Variants in SCFD1 observed in about 807,000 individuals in gnomAD.
SCFD1 encodes the protein sec1 family domain containing 1, also known as sec1 family domain-containing protein 1.
In SCFD1, 37 loss-of-function variants were observed where a neutral mutation model predicts 103.2. The ratio of observed to expected loss-of-function variants is 0.36; its 90% CI spans 0.28 to 0.47. SCFD1 has a LOEUF of 0.47. Among genes scored for constraint, SCFD1 ranks in the 20% least tolerant of loss-of-function variants. SCFD1 has a pLI of 1.00. For missense variants in SCFD1, 639 were observed against 761.2 expected, an observed-to-expected ratio of 0.84 and a Z score of 1.89; for synonymous variants, 264 against 245.0, an observed-to-expected ratio of 1.08 and a Z score of -0.73.
At chr14:30,696,382 T>G (rs994347327) in intron 15 of SCFD1, among the ~76,000 whole-genome samples, 11 of 152,236 alleles carry the variant, frequency 7.2e-5, no homozygotes, top group Admixed American at 5.9e-4. Context: ...ACAGTAACTT[T>G]CGAGTAAAGT....
At chr14:30,645,800 A>G (rs1885762060) in intron 7 of SCFD1, among the ~76,000 whole-genome samples, 1 of 152,102 alleles carries the variant, frequency 6.6e-6, no homozygotes, top group South Asian at 2.1e-4. Context: ...CTCTCTTCCT[A>G]TTAGGATGCC....
intron 14 of SCFD1, among the ~76,000 whole-genome samples, chr14:30,693,251 A>AAT (rs1377791005): frequency 1.3e-5 from 2 of 152,208 alleles, no homozygotes; most frequent in African/African-American, 4.8e-5. Context: ...GGCGGATATT[A>AAT]GAATACAGAC....
intron 23 of SCFD1, among the ~76,000 whole-genome samples, chr14:30,732,132 T>C (rs905621409): frequency 1.1e-4 from 16 of 152,234 alleles, no homozygotes; most frequent in South Asian, 2.1e-4. Context: ...TCATTCCAAG[T>C]GCATAAAAAT....
At position 30,632,049 on chromosome 14, in the gene SCFD1, A is replaced by G. The variant is rs1318184955; in HGVS notation, c.221+1484A>G. Among the ~76,000 whole-genome samples, 13 of 45,570 alleles carry G rather than the reference A, an allele frequency of 2.9e-4. No homozygotes were observed. In the African/African-American group the frequency reaches 4.2e-3, roughly 15 times the overall value. The allele number at this position is 45,570 out of a possible 152,430, so 29.9% of individuals were successfully genotyped here. A position where few individuals can be genotyped will look rare whatever the true frequency, so the allele number is the denominator to read the frequency against. Reference sequence around the variant, plus strand: ...GGCAGCAGAGCAAGATTCTGTTGAAAAAAAAAAAAAAAAAAAAAAAAAGAA... The same window carrying G: ...GGCAGCAGAGCAAGATTCTGTTGAAGAAAAAAAAAAAAAAAAAAAAAAGAA... On this transcript the variant is annotated intron_variant, in intron 3 of 24. Coordinates refer to ENST00000458591, the MANE Select transcript of SCFD1 (RefSeq NM_016106.4).
intron 21 of SCFD1, 142 bp from the exon 22 acceptor site, chr14:30,721,742 A>G: frequency 1.5e-6 from 1 of 673,658 alleles, no homozygotes; most frequent in Non-Finnish European, 2.6e-6. Flanking sequence ...GCAAAATTAA[A>G]GGACCCACCC....
In SCFD1 at chr14:30,678,155, G is replaced by A. The variant is rs1889194857; in HGVS notation, c.1242+3090G>A. ...GCCTGGCCGTAAATATTTTTTACTA[G>A]CTAGAAGATTGTGTCATGTAGAGGT... On this transcript the variant is annotated intron_variant, in intron 14 of 24. Transcript: ENST00000458591. Among the ~76,000 whole-genome samples the A allele has an allele frequency of 3.9e-5, 6 of 152,000 alleles. No homozygotes were observed. In the South Asian group the frequency reaches 1.2e-3, roughly 32 times the overall value.
At chr14:30,683,353 G>T in intron 14 of SCFD1, 1 of 586,602 alleles carries the variant, frequency 1.7e-6, no homozygotes, top group Non-Finnish European at 3.1e-6. Context: ...GGGAACTCTA[G>T]TGAGAGCTTA....
intron 10 of SCFD1, among the ~76,000 whole-genome samples, chr14:30,667,535 A>G (rs1203986533): frequency 6.6e-6 from 1 of 152,190 alleles, no homozygotes; most frequent in African/African-American, 2.4e-5. Context: ...TATTCAACAT[A>G]GTGTTGGAAG....
chr14:30,633,947 G>A lies in SCFD1; in HGVS notation c.222G>A (p.Leu74=). The part of the protein sequence containing the change: ...ELRDMGITLH[L]LLHSDRDPIP... ...AGTTTTAGTTCCTTATGTCTTCTAG[G>A]CTTTTACACTCTGATCGAGATCCTA... Residue 74 remains leucine (L), a splice_region_variant and synonymous_variant, in exon 4 of 25, where the codon CTG becomes CTA. Transcript: ENST00000458591. 6.4e-7 allele frequency: 1 copy of A among 1,564,538 alleles called. No homozygotes were observed. The highest frequency in any genetic ancestry group is 8.7e-7 in the Non-Finnish European group (1 of 1,149,422).
intron 22 of SCFD1, 29 bp from the exon 23 acceptor site, chr14:30,722,465 T>TG (rs759075841): frequency 1.9e-6 from 3 of 1,542,956 alleles, no homozygotes; most frequent in Admixed American, 1.9e-5. Context: ...AAACTGTGTT[T>TG]TTTTTTTTTT....
chr14:30,683,889 G>T (rs1227598599), intron 14 of SCFD1, among the ~76,000 whole-genome samples: 8 of 152,176 alleles, frequency 5.3e-5, no homozygotes, highest in Non-Finnish European at 1.2e-4. Context: ...ATTGGGGATA[G>T]AATTGGGGCT....
intron 1 of SCFD1, among the ~76,000 whole-genome samples, chr14:30,625,892 T>C (rs1488385156): frequency 2.6e-5 from 4 of 152,134 alleles, no homozygotes; most frequent in Admixed American, 2.6e-4. Flanking sequence ...AAGGCCTAAC[T>C]GTGCAGCATA....
At chr14:30,703,515 C>A (rs1230181695) in intron 17 of SCFD1, among the ~76,000 whole-genome samples, 2 of 149,398 alleles carry the variant, frequency 1.3e-5, no homozygotes, top group Non-Finnish European at 3.0e-5. Context: ...GGGTGCTTTT[C>A]TTTATTTTTC....
chr14:30,696,156 A>G (rs974062177), intron 15 of SCFD1, among the ~76,000 whole-genome samples: 3 of 152,338 alleles, frequency 2.0e-5, no homozygotes, highest in East Asian at 1.9e-4. Context: ...ATTTTAGACT[A>G]TAATCCAAAT....
intron 8 of SCFD1, among the ~76,000 whole-genome samples, 156 bp downstream of exon 8, chr14:30,649,739 G>A (rs757079113): frequency 6.6e-6 from 1 of 152,018 alleles, no homozygotes; most frequent in African/African-American, 2.4e-5. Flanking sequence ...AGATTGCACC[G>A]AAGATAAAAA....
chr14:30,717,253 A>T (rs913786958), intron 20 of SCFD1, among the ~76,000 whole-genome samples: 1 of 152,232 alleles, frequency 6.6e-6, no homozygotes, highest in African/African-American at 2.4e-5. Flanking sequence ...AGGCTGACAG[A>T]TCACTTGAGT....
chr14:30,731,394 A>T (rs542818477), intron 23 of SCFD1, among the ~76,000 whole-genome samples: 9 of 152,310 alleles, frequency 5.9e-5, no homozygotes, highest in African/African-American at 2.2e-4. Flanking sequence ...GAAGAAAGTC[A>T]TTGGTAGCTT....
At chr14:30,714,360 C>CA (rs11362201) in intron 19 of SCFD1, among the ~76,000 whole-genome samples, 2,291 of 96,566 alleles carry the variant, frequency 0.024, 70 homozygotes, top group African/African-American at 0.067. Flanking sequence ...GACTCCGTCT[C>CA]AAAAAAAAAA....
In SCFD1 at chr14:30,670,312, A is replaced by C. The variant is rs1355647652; in HGVS notation, c.912A>C (p.Pro304=). The C allele has an allele frequency of 6.3e-7, 1 of 1,597,680 alleles. No homozygotes were observed. Among genetic ancestry groups the C allele is most frequent in the Non-Finnish European group, 8.5e-7 (1 of 1,173,512 alleles). Residue 304 remains proline (P), a synonymous_variant, in exon 11 of 25, where the codon CCA becomes CCC. Transcript: ENST00000458591. ...LEESSGVENS[P]AGARPKRKNK... ...AATCTTCAGGAGTGGAAAACTCTCC[A>C]GCTGGTGCTAGACCAAAGAGAAAAA... is the stretch of plus-strand genomic sequence containing the variant.
Sources: gnomAD v4.1 joint callset for allele counts (sites outside exome capture counted in the v4.1 genomes callset) on GRCh38, gnomAD v4.1.1 for gene constraint, MANE v1.5 for transcripts, NCBI Gene and HGNC (gene_info 2026-07-23, HGNC 2026-07-21) for gene names.